OXCT1: variants seen among roughly 807,000 people sequenced by gnomAD.
The protein encoded by OXCT1 is succinyl-CoA:3-ketoacid coenzyme A transferase 1, mitochondrial.
A neutral mutation model predicts 69.6 loss-of-function variants in OXCT1; 27 were observed. That is an observed-to-expected ratio of 0.39 (90% CI 0.29 to 0.54). The LOEUF is 0.54. Among genes scored for constraint, OXCT1 ranks in the 20% least tolerant of loss-of-function variants. OXCT1 has a pLI of 0.72. For synonymous variants in OXCT1, 202 were observed against 217.8 expected, an observed-to-expected ratio of 0.93 and a Z score of 0.64; for missense variants, 437 against 650.2, an observed-to-expected ratio of 0.67 and a Z score of 3.57.
chr5:41,731,585 T>C lies in OXCT1; in HGVS notation c.*144A>G. 1 of 1,218,662 alleles carries C rather than the reference T, an allele frequency of 8.2e-7. No individual in the cohort carries two copies. The highest frequency in any genetic ancestry group is 1.2e-6 in the Non-Finnish European group (1 of 859,174). 75.5% of individuals were successfully genotyped at this position (1,218,662 alleles called of 1,614,324 possible). On this transcript the variant is annotated 3_prime_UTR_variant, in exon 17 of 17. Coordinates refer to ENST00000196371, the MANE Select transcript of OXCT1 (RefSeq NM_000436.4). ...GTCACAGCATGCCTAGAGAACAGTT[T>C]ATATGGCTGCATAAAGTCTGAAACA...
At chr5:41,867,059 CAG>C (rs749005434) in intron 1 of OXCT1, among the ~76,000 whole-genome samples, 1 of 152,222 alleles carries the variant, frequency 6.6e-6, no homozygotes, top group Non-Finnish European at 1.5e-5. Flanking sequence ...GACCACACTG[CAG>C]AGTTTCTTTT....
At position 41,803,027 on chromosome 5, in the gene OXCT1, CTTCA is replaced by C. The variant is rs755102003; in HGVS notation, c.1050+38_1050+41del. The C allele has an allele frequency of 9.7e-6, 13 of 1,340,298 alleles. No individual in the cohort carries two copies. The African/African-American group carries it at 1.6e-4, about 16-fold the overall frequency. The allele number at this position is 1,340,298 out of a possible 1,614,324, so 83.0% of individuals were successfully genotyped here. A position where few individuals can be genotyped will look rare whatever the true frequency, so the allele number is the denominator to read the frequency against. Reference sequence around the variant, plus strand: ...ATTTCACAACATGAAATATCTCATTCTTCATTAAGACTGGATTTTAGAAAACAAA... The same window carrying C: ...ATTTCACAACATGAAATATCTCATTCTTAAGACTGGATTTTAGAAAACAAA... On this transcript the variant is annotated intron_variant, in intron 10 of 16. Transcript: ENST00000196371.
At chr5:41,848,543 G>T (rs1749033825) in intron 5 of OXCT1, among the ~76,000 whole-genome samples, 1 of 145,422 alleles carries the variant, frequency 6.9e-6, no homozygotes, top group Admixed American at 6.9e-5. Context: ...ATACTACAAG[G>T]CTACAGTAAC....
chr5:41,755,382 A>C (rs1744014447), intron 14 of OXCT1, among the ~76,000 whole-genome samples: 1 of 152,056 alleles, frequency 6.6e-6, no homozygotes. Context: ...TTTTTCCCCA[A>C]ACAGAACCTG....
chr5:41,739,361 T>C lies in OXCT1; in HGVS notation c.1521+29A>G, dbSNP rs777758167. ...AATCAAGCCTATAATATAAGACAAG[T>C]GTCTGGATTTGTTCACAGAAATACT... On this transcript the variant is annotated intron_variant, in intron 16 of 16. Coordinates refer to ENST00000196371, the MANE Select transcript of OXCT1 (RefSeq NM_000436.4). 4 of 1,332,982 alleles carry C rather than the reference T, an allele frequency of 3.0e-6. No individual in the cohort carries two copies. The Admixed American group carries it at 6.7e-5, about 22-fold the overall frequency. The allele number at this position is 1,332,982 out of a possible 1,614,324, so 82.6% of individuals were successfully genotyped here.
intron 3 of OXCT1, among the ~76,000 whole-genome samples, chr5:41,857,951 T>C (rs1749507652): frequency 6.6e-6 from 1 of 152,246 alleles, no homozygotes; most frequent in Non-Finnish European, 1.5e-5. Flanking sequence ...AGCCAGAATA[T>C]AGTTGGACAC....
intron 7 of OXCT1, among the ~76,000 whole-genome samples, chr5:41,839,209 G>T (rs1337172697): frequency 6.6e-6 from 1 of 152,134 alleles, no homozygotes; most frequent in Non-Finnish European, 1.5e-5. Flanking sequence ...GAAATGAGAT[G>T]AACTGAAAAG....
intron 3 of OXCT1, among the ~76,000 whole-genome samples, chr5:41,860,940 T>TAA: frequency 6.6e-6 from 1 of 152,138 alleles, no homozygotes; most frequent in African/African-American, 2.4e-5. Flanking sequence ...CCCACCTTGC[T>TAA]TTATAAATGA....
At chr5:41,776,649 T>G (rs944055688) in intron 13 of OXCT1, among the ~76,000 whole-genome samples, 6 of 152,226 alleles carry the variant, frequency 3.9e-5, no homozygotes, top group Admixed American at 3.9e-4. Context: ...TTGTAGTAAC[T>G]GAACTTTATT....
At chr5:41,816,771 C>T (rs1747266471) in intron 7 of OXCT1, among the ~76,000 whole-genome samples, 2 of 152,074 alleles carry the variant, frequency 1.3e-5, no homozygotes, top group Non-Finnish European at 2.9e-5. Flanking sequence ...TTCCTTGAGT[C>T]ATATCACTAC....
chr5:41,869,998 GCT>G, intron 1 of OXCT1: 1 of 468,770 alleles, frequency 2.1e-6, no homozygotes, highest in Non-Finnish European at 3.9e-6. Flanking sequence ...GCTCGGGAGC[GCT>G]GCCAGGAGTC....
At chr5:41,867,778 G>C (rs1750065993) in intron 1 of OXCT1, among the ~76,000 whole-genome samples, 1 of 152,228 alleles carries the variant, frequency 6.6e-6, no homozygotes. Context: ...TTTGGGAAAA[G>C]ACAGGGTCAA....
intron 7 of OXCT1, among the ~76,000 whole-genome samples, chr5:41,818,851 T>C (rs1443681458): frequency 6.6e-6 from 1 of 151,834 alleles, no homozygotes; most frequent in Non-Finnish European, 1.5e-5. Flanking sequence ...ATCATTTATA[T>C]AAGCCATGAC....
rs555729750 is a variant in OXCT1, at chr5:41,731,572, C to G, written c.*157G>C. ...TTTTTATTAAAATGTCACAGCATGC[C>G]TAGAGAACAGTTTATATGGCTGCAT... On this transcript the variant is annotated 3_prime_UTR_variant, in exon 17 of 17. Transcript: ENST00000196371. 7 of 1,103,192 alleles carry G rather than the reference C, an allele frequency of 6.3e-6. No individual in the cohort carries two copies. The highest frequency in any genetic ancestry group is 3.1e-5 in the South Asian group (2 of 65,566). 68.3% of individuals were successfully genotyped at this position (1,103,192 alleles called of 1,614,324 possible).
At chr5:41,819,820 G>A (rs1274304266) in intron 7 of OXCT1, among the ~76,000 whole-genome samples, 1 of 152,132 alleles carries the variant, frequency 6.6e-6, no homozygotes, top group Non-Finnish European at 1.5e-5. Context: ...GGCTCTGTGG[G>A]TATAGCTGCT....
intron 13 of OXCT1, among the ~76,000 whole-genome samples, chr5:41,780,073 A>T (rs1745321311): frequency 6.6e-6 from 1 of 152,188 alleles, no homozygotes. Flanking sequence ...CTACAGCATT[A>T]GGATAAAGAG....
intron 13 of OXCT1, among the ~76,000 whole-genome samples, chr5:41,770,923 C>T (rs1282934991): frequency 6.6e-6 from 1 of 152,030 alleles, no homozygotes; most frequent in Non-Finnish European, 1.5e-5. Flanking sequence ...TAGTTCATAC[C>T]AGAAACTATA....
intron 3 of OXCT1, among the ~76,000 whole-genome samples, chr5:41,856,050 T>C (rs571428205): frequency 6.6e-6 from 1 of 152,108 alleles, no homozygotes; most frequent in South Asian, 2.1e-4. Flanking sequence ...GCAGGACCAG[T>C]TGTGATCAGC....
intron 11 of OXCT1, 56 bp from the exon 12 acceptor site, chr5:41,794,805 ATGGTGAACAGAGGTCCACATCTTC>A: frequency 6.4e-7 from 1 of 1,573,534 alleles, no homozygotes; most frequent in Non-Finnish European, 8.7e-7. Context: ...TAAGAGTATC[ATGGTGAACAGAGGTCCACATCTTC>A]TCCATTCCCA....
Sources: allele counts gnomAD v4.1 joint callset (sites outside exome capture counted in the v4.1 genomes callset), GRCh38; gene constraint gnomAD v4.1.1; transcripts MANE v1.5; gene names NCBI Gene and HGNC (gene_info 2026-07-23, HGNC 2026-07-21).